Variants in SDK1 observed in about 807,000 individuals in gnomAD.
SDK1 encodes protein sidekick-1.
SDK1 carries 157 observed loss-of-function variants against 245.5 expected under a neutral mutation model. The observed-to-expected ratio is 0.64, with a 90% CI of 0.56 to 0.73. The LOEUF (loss-of-function observed/expected upper bound fraction) is 0.73, where lower values mean the gene tolerates loss of function less well. Ranked by LOEUF, SDK1 falls within the 30% of genes least tolerant of loss-of-function variation. The probability of loss-of-function intolerance (pLI) is 0.00; values close to 1 mark genes in which losing one functional copy is unlikely to be tolerated. For missense variants in SDK1, 3,583 were observed against 3,002.3 expected (o/e 1.19, Z -4.52); for synonymous variants, 1,647 against 1,278.5 (o/e 1.29, Z -6.15).
At position 3,868,756 on chromosome 7, in the gene SDK1, A is replaced by G. The variant is rs76606317; in HGVS notation, c.847+47173A>G. On this transcript the variant is annotated intron_variant, in intron 5 of 44. Coordinates refer to ENST00000404826, the MANE Select transcript of SDK1 (RefSeq NM_152744.4). ...AAACCAAGGGCACTTCCAGGGGTAC[A>G]TCTGTTACCTTTAATTTGCACACAT... 1.1e-3 allele frequency among the ~76,000 whole-genome samples: 168 copies of G among 152,298 alleles called. 2 individuals carry two copies. In the East Asian group the frequency reaches 0.028, roughly 25 times the overall value.
chr7:4,185,833 C>A lies in SDK1; in HGVS notation c.5098+7247C>A, dbSNP rs577679500. On this transcript the variant is annotated intron_variant, in intron 35 of 44. Transcript: ENST00000404826. The stretch of plus-strand genomic sequence containing the variant: ...AGGAAGGGTGGGAGGGAGAGAAACA[C>A]ATTTAGACAGGAAGGAAGGAAAGAA... Among the ~76,000 whole-genome samples, 4 of 122,574 alleles carry A rather than the reference C, an allele frequency of 3.3e-5. No homozygotes were observed. In the East Asian group the frequency reaches 8.1e-4, roughly 25 times the overall value. The allele number at this position is 122,574 out of a possible 152,430, so 80.4% of individuals were successfully genotyped here. A position where few individuals can be genotyped will look rare whatever the true frequency, so the allele number is the denominator to read the frequency against.
chr7:3,967,360 T>G lies in SDK1; in HGVS notation c.1472T>G (p.Val491Gly), dbSNP rs1418591067. 4 of 1,614,014 alleles carry G rather than the reference T, an allele frequency of 2.5e-6. No homozygotes were observed. Among genetic ancestry groups the G allele is most frequent in the Non-Finnish European group, 3.4e-6 (4 of 1,180,008 alleles). ...ACCCAGCGGCCAGTGGACACCACAG[T>G]TACTGACGGGATGACAGCCATTCTA... ...VFTQRPVDTTVTDGMTAILRC... is the reference protein window; with the variant it reads ...VFTQRPVDTTGTDGMTAILRC... Residue 491 changes from valine (V) to glycine (G), a missense_variant, in exon 10 of 45, where the codon GTT (valine) becomes GGT (glycine). Transcript: ENST00000404826.
At chr7:3,647,986 G>C (rs1464750716) in intron 4 of SDK1, among the ~76,000 whole-genome samples, 4 of 152,158 alleles carry the variant, frequency 2.6e-5, no homozygotes, top group African/African-American at 7.2e-5. Context: ...GTTATATTCA[G>C]AATTTGAATA....
chr7:3,430,914 G>A (rs976825175), intron 1 of SDK1, among the ~76,000 whole-genome samples: 8 of 152,114 alleles, frequency 5.3e-5, no homozygotes, highest in Non-Finnish European at 1.5e-5. Flanking sequence ...GTTCGTTTGT[G>A]TTTTGAGATG....
chr7:3,795,039 A>G (rs1393733905), intron 4 of SDK1, among the ~76,000 whole-genome samples: 1 of 151,992 alleles, frequency 6.6e-6, no homozygotes, highest in East Asian at 1.9e-4. Context: ...AGCTCCCTTT[A>G]TTTCTTGCAG....
intron 28 of SDK1, among the ~76,000 whole-genome samples, chr7:4,138,491 A>T (rs945169349): frequency 2.0e-5 from 3 of 152,168 alleles, no homozygotes; most frequent in Non-Finnish European, 2.9e-5. Context: ...CATGCCTGTA[A>T]TCCCAGCACT....
At chr7:3,379,196 T>C (rs1196905863) in intron 1 of SDK1, among the ~76,000 whole-genome samples, 2 of 152,188 alleles carry the variant, frequency 1.3e-5, no homozygotes, top group Non-Finnish European at 2.9e-5. Flanking sequence ...TGCGGGGCAA[T>C]GTGCTGGGCA....
At chr7:3,836,819 A>G (rs1291482399) in intron 5 of SDK1, among the ~76,000 whole-genome samples, 1 of 152,088 alleles carries the variant, frequency 6.6e-6, no homozygotes, top group African/African-American at 2.4e-5. Context: ...GACTTAAACA[A>G]CAGATGTTCA....
At position 4,070,018 on chromosome 7, in the gene SDK1, G is replaced by A. The variant is rs79939133; in HGVS notation, c.3010+2082G>A. Among the ~76,000 whole-genome samples the A allele has an allele frequency of 3.3e-3, 510 of 152,240 alleles. 3 individuals are homozygous for A. Among genetic ancestry groups the A allele is most frequent in the South Asian group, 0.031 (150 of 4,826 alleles). On this transcript the variant is annotated intron_variant, in intron 20 of 44. Coordinates refer to ENST00000404826, the MANE Select transcript of SDK1 (RefSeq NM_152744.4). ...ACTTTCCCCATCCACAGTCCTCTTA[G>A]CATCTCCATAATTTCTCAAAGCACC...
At chr7:4,176,630 C>T (rs1329651140) in intron 34 of SDK1, among the ~76,000 whole-genome samples, 3 of 152,212 alleles carry the variant, frequency 2.0e-5, no homozygotes, top group African/African-American at 7.2e-5. Flanking sequence ...ACTCTGTCCC[C>T]ATTAAATACT....
chr7:3,540,776 T>A (rs530971280), intron 1 of SDK1, among the ~76,000 whole-genome samples: 5 of 152,224 alleles, frequency 3.3e-5, no homozygotes, highest in Non-Finnish European at 7.3e-5. Flanking sequence ...TCCAAGATCA[T>A]ATAAATTTTT....
chr7:3,355,399 T>G (rs967317081), intron 1 of SDK1, among the ~76,000 whole-genome samples: 4 of 152,344 alleles, frequency 2.6e-5, no homozygotes, highest in South Asian at 2.1e-4. Context: ...CGCCATGGCC[T>G]CCAACTCCTG....
intron 1 of SDK1, among the ~76,000 whole-genome samples, chr7:3,491,795 T>C (rs187542087): frequency 6.5e-4 from 99 of 152,330 alleles, no homozygotes; most frequent in Admixed American, 6.5e-3. Context: ...GACAAATACT[T>C]TTTCTCATAT....
At chr7:3,984,548 C>T (rs1783671218) in intron 13 of SDK1, among the ~76,000 whole-genome samples, 1 of 152,342 alleles carries the variant, frequency 6.6e-6, no homozygotes, top group South Asian at 2.1e-4. Context: ...TCACCCATTT[C>T]TGTTGTCTCC....
At chr7:3,593,948 T>C (rs571893200) in intron 1 of SDK1, among the ~76,000 whole-genome samples, 1 of 152,374 alleles carries the variant, frequency 6.6e-6, no homozygotes, top group South Asian at 2.1e-4. Flanking sequence ...TTAACAACTT[T>C]ATTGATATAT....
At chr7:3,639,592 A>G (rs1022530134) in intron 3 of SDK1, among the ~76,000 whole-genome samples, 2 of 152,196 alleles carry the variant, frequency 1.3e-5, no homozygotes, top group African/African-American at 4.8e-5. Flanking sequence ...TTAATTCTTT[A>G]TTCAGCAGAT....
intron 29 of SDK1, among the ~76,000 whole-genome samples, chr7:4,148,602 A>G (rs182332037): frequency 5.3e-5 from 8 of 152,358 alleles, no homozygotes; most frequent in African/African-American, 1.2e-4. Context: ...TCAGAAAAAG[A>G]GAGACCAAAG....
chr7:3,391,058 A>T (rs1041848591), intron 1 of SDK1, among the ~76,000 whole-genome samples: 22 of 152,168 alleles, frequency 1.4e-4, no homozygotes, highest in Non-Finnish European at 2.9e-4. Context: ...TCTTTGAGTA[A>T]TTCTTAAACC....
At chr7:3,894,227 A>G (rs1299198333) in intron 5 of SDK1, among the ~76,000 whole-genome samples, 1 of 152,216 alleles carries the variant, frequency 6.6e-6, no homozygotes, top group African/African-American at 2.4e-5. Context: ...AGCTTTCACA[A>G]AATTTAATTT....
Sources: allele counts gnomAD v4.1 joint callset (sites outside exome capture counted in the v4.1 genomes callset), GRCh38; gene constraint gnomAD v4.1.1; transcripts MANE v1.5; gene names NCBI Gene and HGNC (gene_info 2026-07-23, HGNC 2026-07-21).